The following CEP128 variants were observed in gnomAD, a reference collection of about 807,000 sequenced individuals.
CEP128 encodes centrosomal protein 128kDa.
CEP128 carries 132 observed loss-of-function variants against 156.7 expected under a neutral mutation model. The ratio of observed to expected loss-of-function variants is 0.84; its 90% CI spans 0.73 to 0.97. The LOEUF is 0.97. Ranked by LOEUF, CEP128 falls within the 50% of genes least tolerant of loss-of-function variation. The probability of loss-of-function intolerance (pLI) is 0.00; values close to 1 mark genes in which losing one functional copy is unlikely to be tolerated. For synonymous variants in CEP128, 469 were observed against 448.9 expected (o/e 1.04, Z -0.57); for missense variants, 1,252 against 1,281.9 (o/e 0.98, Z 0.36).
chr14:80,511,895 T>C (rs10130859), intron 23 of CEP128, among the ~76,000 whole-genome samples: 118,892 of 151,946 alleles, frequency 0.78, 48,840 homozygotes, highest in Middle Eastern at 0.9. Flanking sequence ...GTTTGTATAG[T>C]TTCCAAATTG....
At chr14:80,679,529 T>A (rs1197709944) in intron 19 of CEP128, among the ~76,000 whole-genome samples, 1 of 152,012 alleles carries the variant, frequency 6.6e-6, no homozygotes, top group African/African-American at 2.4e-5. Flanking sequence ...TGGGGAAAAA[T>A]CCCACCCTGG....
At chr14:80,883,570 T>C (rs1340871246) in intron 8 of CEP128, among the ~76,000 whole-genome samples, 2 of 151,932 alleles carry the variant, frequency 1.3e-5, no homozygotes, top group South Asian at 2.1e-4. Context: ...CTATATAAGA[T>C]TGATGCAAGG....
chr14:80,499,801 T>C (rs1345451088), intron 24 of CEP128, among the ~76,000 whole-genome samples: 1 of 152,186 alleles, frequency 6.6e-6, no homozygotes, highest in African/African-American at 2.4e-5. Flanking sequence ...GAGCTATACA[T>C]AGTGACTAGT....
At position 80,793,014 on chromosome 14, in the gene CEP128, C is replaced by T. The variant is rs114197501; in HGVS notation, c.1306G>A (p.Glu436Lys). 407 of 1,614,168 alleles carry T rather than the reference C, an allele frequency of 2.5e-4. 3 individuals are homozygous for T. In the East Asian group the frequency reaches 5.5e-3, roughly 22 times the overall value. ...ATCTGAAGGTCAGCATGCTTACGCT[C>T]GGCCTCACATGTGTCAAAGTGATTC... Reference protein sequence around the residue: ...IQNHFDTCEAERKHADLQISE... With the variant: ...IQNHFDTCEAKRKHADLQISE... Residue 436 changes from glutamate (E) to lysine (K), a missense_variant, in exon 14 of 25, where the codon GAG (glutamate) becomes AAG (lysine). Glu to Lys is a moderately conservative substitution (Grantham distance 56, BLOSUM62 1). Transcript: ENST00000555265.
In CEP128 at chr14:80,590,423, C is replaced by T. The variant is rs1892003157; in HGVS notation, c.2807-10000G>A. Among the ~76,000 whole-genome samples the T allele has an allele frequency of 1.3e-5, 2 of 151,862 alleles. 1 individual carries two copies. Among genetic ancestry groups the T allele is most frequent in the Non-Finnish European group, 2.9e-5 (2 of 67,942 alleles). ...TAATAATAAAATGCTCATTAGAAAC[C>T]ACACAGGCCATTAAAAAAGTCACAT... On this transcript the variant is annotated intron_variant, in intron 19 of 24. Coordinates refer to ENST00000555265, the MANE Select transcript of CEP128 (RefSeq NM_152446.5).
At chr14:80,915,506 T>C (rs531497244) in intron 3 of CEP128, among the ~76,000 whole-genome samples, 1 of 152,298 alleles carries the variant, frequency 6.6e-6, no homozygotes, top group African/African-American at 2.4e-5. Context: ...GGAAATACCT[T>C]ATATTTCTGA....
At chr14:80,710,880 C>T (rs539621337) in intron 19 of CEP128, among the ~76,000 whole-genome samples, 31 of 152,236 alleles carry the variant, frequency 2.0e-4, no homozygotes, top group African/African-American at 7.2e-4. Flanking sequence ...AATAAACCAT[C>T]TGATATTCAA....
At chr14:80,497,669 T>C (rs1887551130) in intron 24 of CEP128, 87 bp from the exon 25 acceptor site, 1 of 794,204 alleles carries the variant, frequency 1.3e-6, no homozygotes, top group Non-Finnish European at 2.1e-6. Context: ...GTAGTTAATG[T>C]ATCATGGTAT....
chr14:80,576,767 A>T (rs1891379334), intron 20 of CEP128, among the ~76,000 whole-genome samples: 1 of 152,106 alleles, frequency 6.6e-6, no homozygotes, highest in South Asian at 2.1e-4. Context: ...TTGTTTTTTA[A>T]TGGGTGGATC....
chr14:80,616,582 G>A (rs1411955940), intron 19 of CEP128, among the ~76,000 whole-genome samples: 2 of 152,146 alleles, frequency 1.3e-5, no homozygotes, highest in African/African-American at 2.4e-5. Flanking sequence ...TTCTAGTCAT[G>A]ATGAAGGATG....
intron 8 of CEP128, among the ~76,000 whole-genome samples, chr14:80,868,748 A>G (rs556822663): frequency 2.8e-4 from 42 of 152,114 alleles, no homozygotes; most frequent in Non-Finnish European, 4.0e-4. Flanking sequence ...TGCTGCCTAA[A>G]GAGACTCATA....
intron 19 of CEP128, among the ~76,000 whole-genome samples, chr14:80,617,217 A>ACCTTTTTTT (rs1491470595): frequency 5.6e-4 from 24 of 43,118 alleles, no homozygotes; most frequent in Non-Finnish European, 8.0e-4. Flanking sequence ...TGTGAATATC[A>ACCTTTTTTT]TCTTTTTTTT....
chr14:80,739,034 T>C (rs1453239926), intron 19 of CEP128, among the ~76,000 whole-genome samples: 1 of 152,220 alleles, frequency 6.6e-6, no homozygotes, highest in Admixed American at 6.5e-5. Flanking sequence ...AAACCACTCC[T>C]AAGACTTCTA....
chr14:80,691,229 T>C (rs1361247757), intron 19 of CEP128, among the ~76,000 whole-genome samples: 1 of 152,204 alleles, frequency 6.6e-6, no homozygotes, highest in Non-Finnish European at 1.5e-5. Flanking sequence ...TTTCTTTTTC[T>C]AAATGTAGCA....
chr14:80,909,459 C>CG (rs1884082808), intron 4 of CEP128, among the ~76,000 whole-genome samples: 1 of 151,250 alleles, frequency 6.6e-6, no homozygotes, highest in African/African-American at 2.4e-5. Context: ...AACAGAAGAA[C>CG]ATTAAAGAAC....
At chr14:80,661,302 C>T (rs1895393279) in intron 19 of CEP128, among the ~76,000 whole-genome samples, 1 of 152,264 alleles carries the variant, frequency 6.6e-6, no homozygotes, top group Middle Eastern at 3.4e-3. Context: ...AAAAAATCTA[C>T]TGGTTTGTTG....
intron 19 of CEP128, among the ~76,000 whole-genome samples, chr14:80,684,530 G>A (rs1186544318): frequency 6.6e-6 from 1 of 151,976 alleles, no homozygotes; most frequent in African/African-American, 2.4e-5. Context: ...GGAAGAGCTG[G>A]TACCAGTTCT....
intron 19 of CEP128, among the ~76,000 whole-genome samples, chr14:80,638,734 A>G (rs1264259884): frequency 6.6e-6 from 1 of 152,196 alleles, no homozygotes; most frequent in African/African-American, 2.4e-5. Flanking sequence ...GAATCACTGA[A>G]TATAAGGAAA....
intron 20 of CEP128, among the ~76,000 whole-genome samples, chr14:80,579,333 T>TA (rs1365465272): frequency 5.9e-5 from 9 of 151,928 alleles, no homozygotes; most frequent in East Asian, 5.8e-4. Flanking sequence ...CAATGCTCTT[T>TA]TTTTTTTTTT....
Sources: gnomAD v4.1 joint callset for allele counts (sites outside exome capture counted in the v4.1 genomes callset) on GRCh38, gnomAD v4.1.1 for gene constraint, MANE v1.5 for transcripts, NCBI Gene and HGNC (gene_info 2026-07-23, HGNC 2026-07-21) for gene names.